The following GPI variants were observed in gnomAD, a reference collection of about 807,000 sequenced individuals.
GPI encodes D-hexose-6-phosphate anomerase.
In GPI, 56 loss-of-function variants were observed where a neutral mutation model predicts 75.8. The observed-to-expected ratio is 0.74, with a 90% CI of 0.60 to 0.92. GPI has a LOEUF of 0.92. Ranked by LOEUF, GPI falls within the 40% of genes least tolerant of loss-of-function variation. The probability of loss-of-function intolerance (pLI) is 0.00; values close to 1 mark genes in which losing one functional copy is unlikely to be tolerated. For missense variants in GPI, 638 were observed against 741.0 expected (o/e 0.86, Z 1.61); for synonymous variants, 288 against 285.4 (o/e 1.01, Z -0.09).
At chr19:34,387,241 A>G (rs984870933) in intron 9 of GPI, among the ~76,000 whole-genome samples, 2 of 152,212 alleles carry the variant, frequency 1.3e-5, no homozygotes, top group South Asian at 2.1e-4. Context: ...AATAGGCAGA[A>G]CTAGGTCTCC....
chr19:34,377,988 G>C (rs998496126), intron 6 of GPI, 107 bp downstream of exon 6: 7 of 1,145,160 alleles, frequency 6.1e-6, no homozygotes, highest in Non-Finnish European at 9.2e-6. Context: ...GGTGGGTTCC[G>C]AGTGAACCAT....
chr19:34,389,770 G>A (rs754756764), intron 9 of GPI, among the ~76,000 whole-genome samples: 11 of 152,164 alleles, frequency 7.2e-5, no homozygotes, highest in Non-Finnish European at 1.3e-4. Context: ...TTTATAAGTG[G>A]CCTCAGCACC....
At chr19:34,399,506 G>A (rs1271201571) in intron 15 of GPI, 50 bp from the exon 16 acceptor site, 1 of 1,585,720 alleles carries the variant, frequency 6.3e-7, no homozygotes, top group African/African-American at 1.3e-5. Flanking sequence ...CCCTTCAAGG[G>A]GTTTAGGGAT....
At position 34,365,255 on chromosome 19, in the gene GPI, T is replaced by A; in HGVS notation, c.-12T>A. The A allele has an allele frequency of 6.4e-7, 1 of 1,563,158 alleles. No individual in the cohort carries two copies. Among genetic ancestry groups the A allele is most frequent in the Non-Finnish European group, 8.6e-7 (1 of 1,158,304 alleles). ...GGCTCGCGTCTCACTCAGTGTACCT[T>A]CTAGTCCCGCCATGGCCGCTCTCAC... On this transcript the variant is annotated 5_prime_UTR_variant, in exon 1 of 18. Coordinates refer to ENST00000356487, the MANE Select transcript of GPI (RefSeq NM_000175.5).
intron 9 of GPI, among the ~76,000 whole-genome samples, chr19:34,390,091 G>C (rs1250131407): frequency 6.6e-6 from 1 of 151,980 alleles, no homozygotes; most frequent in African/African-American, 2.4e-5. Context: ...TGAGGCACAG[G>C]TCTAAGGTTC....
intron 4 of GPI, among the ~76,000 whole-genome samples, chr19:34,376,817 C>G (rs1229401601): frequency 6.6e-6 from 1 of 151,612 alleles, no homozygotes; most frequent in African/African-American, 2.4e-5. Flanking sequence ...GGAGGCCGAG[C>G]TGGGCAGATC....
In GPI at chr19:34,368,945, A is replaced by T. The variant is rs2074408831; in HGVS notation, c.402+243A>T. ...GAAGTGGGGCCAGTTTCTTTCCTGA[A>T]TTGTAGACACCTATGGACTCATGGT... On this transcript the variant is annotated intron_variant, in intron 4 of 17. Transcript: ENST00000356487. 2.0e-5 allele frequency: 12 copies of T among 592,730 alleles called. No homozygotes were observed. The South Asian group carries it at 2.3e-4, about 11-fold the overall frequency. The allele number at this position is 592,730 out of a possible 1,614,324, so 36.7% of individuals were successfully genotyped here.
Position 34,366,815 on chromosome 19 carries a change from G to GTTGCATGCCTTCTCAC in GPI, c.246_247insTTGCATGCCTTCTCAC (p.Arg83LeufsTer11). ...CCAGGGGCGTGGAGGCCGCCCGGGA[G>GTTGCATGCCTTCTCAC]CGGATGTTCAATGGTGAGAAGATCA... is the stretch of plus-strand genomic sequence containing the variant. On this transcript the variant is annotated frameshift_variant, in exon 3 of 18. Coordinates refer to ENST00000356487, the MANE Select transcript of GPI (RefSeq NM_000175.5). LOFTEE classifies it high-confidence loss of function. The GTTGCATGCCTTCTCAC allele has an allele frequency of 6.2e-7, 1 of 1,613,760 alleles. No individual in the cohort carries two copies. Among genetic ancestry groups the GTTGCATGCCTTCTCAC allele is most frequent in the Non-Finnish European group, 8.5e-7 (1 of 1,179,912 alleles).
Position 34,379,575 on chromosome 19 carries a change from G to C in GPI, c.750+13G>C. On this transcript the variant is annotated intron_variant, in intron 8 of 17. Transcript: ENST00000356487. ...GTCTACTAACACAGTAAGTGCCCCC[G>C]TGGTCCCCTGTACTGCCTTCCTGGG... is the stretch of plus-strand genomic sequence containing the variant. The C allele has an allele frequency of 6.2e-7, 1 of 1,609,280 alleles. No homozygotes were observed. The highest frequency in any genetic ancestry group is 8.5e-7 in the Non-Finnish European group (1 of 1,175,578).
chr19:34,388,092 T>C (rs1232979143), intron 9 of GPI, among the ~76,000 whole-genome samples: 1 of 152,140 alleles, frequency 6.6e-6, no homozygotes, highest in African/African-American at 2.4e-5. Context: ...CTCAGGGTAA[T>C]ACAGAGGGCT....
chr19:34,389,848 G>A (rs932854309), intron 9 of GPI, among the ~76,000 whole-genome samples: 9 of 152,134 alleles, frequency 5.9e-5, no homozygotes, highest in East Asian at 3.8e-4. Context: ...TTTGATGTAC[G>A]TCTCTCTCCC....
In GPI at chr19:34,399,577, A is replaced by G. The variant is rs757180727; in HGVS notation, c.1420A>G (p.Thr474Ala). The G allele has an allele frequency of 2.5e-6, 4 of 1,614,130 alleles. No individual in the cohort carries two copies. The highest frequency in any genetic ancestry group is 3.4e-6 in the Non-Finnish European group (4 of 1,180,006). ...PHKVFEGNRP[T>A]NSIVFTKLTP... The stretch of plus-strand genomic sequence containing the variant: ...GCAGGTCTTTGAAGGAAATCGCCCA[A>G]CCAACTCTATTGTGTTCACCAAGCT... The change falls in exon 16 of 18, where the codon ACC (threonine) becomes GCC (alanine). Residue 474 changes from threonine to alanine, a missense_variant. Transcript: ENST00000356487.
chr19:34,391,548 G>C (rs1001996440), intron 9 of GPI, among the ~76,000 whole-genome samples: 2 of 152,264 alleles, frequency 1.3e-5, no homozygotes, highest in Admixed American at 1.3e-4. Context: ...GAGGAGGTAG[G>C]ATCTGGCCCT....
chr19:34,388,452 G>A (rs991029670), intron 9 of GPI, among the ~76,000 whole-genome samples: 1 of 151,914 alleles, frequency 6.6e-6, no homozygotes, highest in East Asian at 1.9e-4. Flanking sequence ...TCAGGCCTGG[G>A]CGACAGAGTG....
intron 8 of GPI, 195 bp from the exon 9 acceptor site, chr19:34,381,271 G>A: frequency 1.5e-6 from 1 of 661,982 alleles, no homozygotes; most frequent in South Asian, 1.6e-5. Flanking sequence ...GACTGATCTG[G>A]TGTCCAGCTT....
upstream of GPI, among the ~76,000 whole-genome samples, chr19:34,360,669 C>T (rs2074296641): frequency 6.6e-6 from 1 of 152,164 alleles, no homozygotes; most frequent in South Asian, 2.1e-4. Flanking sequence ...TTCCCTCCAC[C>T]TTTTTCCTAG....
At chr19:34,372,665 A>C (rs1456754924) in intron 4 of GPI, among the ~76,000 whole-genome samples, 1 of 152,162 alleles carries the variant, frequency 6.6e-6, no homozygotes, top group African/African-American at 2.4e-5. Context: ...AAAAATACCC[A>C]GCAAGGTGCA....
chr19:34,388,667 C>T (rs546216824), intron 9 of GPI, among the ~76,000 whole-genome samples: 22 of 152,226 alleles, frequency 1.4e-4, no homozygotes, highest in Middle Eastern at 3.4e-3. Context: ...ATTGAGGGTT[C>T]GGAGGCTCAG....
In GPI at chr19:34,401,900, C is replaced by T. The variant is rs2075027664; in HGVS notation, c.*1864C>T. 1 of 151,264 alleles carries T rather than the reference C, an allele frequency of 6.6e-6. No homozygotes were observed. Among genetic ancestry groups the T allele is most frequent in the South Asian group, 2.1e-4 (1 of 4,782 alleles). The allele number at this position is 151,264 out of a possible 1,614,324, so 9.4% of individuals were successfully genotyped here. A position where few individuals can be genotyped will look rare whatever the true frequency, so the allele number is the denominator to read the frequency against. On this transcript the variant is annotated 3_prime_UTR_variant, in exon 18 of 18. Coordinates refer to ENST00000356487, the MANE Select transcript of GPI (RefSeq NM_000175.5). The stretch of plus-strand genomic sequence containing the variant: ...TCTCGGCTCACTGCAAGCTCCACCT[C>T]CCGGCTTCACGCCATTCTCCTGCCT...
Sources: gnomAD v4.1 joint callset for allele counts (sites outside exome capture counted in the v4.1 genomes callset) on GRCh38, gnomAD v4.1.1 for gene constraint, MANE v1.5 for transcripts, NCBI Gene and HGNC (gene_info 2026-07-23, HGNC 2026-07-21) for gene names.